The following CSNK1G1 variants were observed in gnomAD, a reference collection of about 807,000 sequenced individuals.
CSNK1G1 encodes the protein casein kinase 1 gamma 1.
A neutral mutation model predicts 59.6 loss-of-function variants in CSNK1G1; 22 were observed. The observed-to-expected ratio is 0.37, with a 90% CI of 0.26 to 0.53. The LOEUF (loss-of-function observed/expected upper bound fraction) is 0.53. CSNK1G1 is among the 20% of genes least tolerant of loss of function. The pLI, the probability that CSNK1G1 is intolerant of heterozygous loss-of-function variation, is 0.89. For missense variants in CSNK1G1, 384 were observed against 519.5 expected (o/e 0.74, Z 2.54); for synonymous variants, 179 against 177.1 (o/e 1.01, Z -0.08).
chr15:64,302,483 A>G (rs1441874742), intron 1 of CSNK1G1, among the ~76,000 whole-genome samples: 1 of 152,082 alleles, frequency 6.6e-6, no homozygotes, highest in Non-Finnish European at 1.5e-5. Context: ...TTTATAATGT[A>G]TATTCTGTAA....
In CSNK1G1 at chr15:64,300,731, A is replaced by T. The variant is rs1895282278; in HGVS notation, c.-224-8T>A. ...AGGTGAACATCTTGTAACCTAGGTA[A>T]AAATCAAGAAAACATGTAGTTAAAA... On this transcript the variant is annotated splice_region_variant and splice_polypyrimidine_tract_variant and intron_variant, in intron 1 of 11. Transcript: ENST00000303052. 8.1e-7 allele frequency: 1 copy of T among 1,233,426 alleles called. No homozygotes were observed. 76.4% of individuals were successfully genotyped at this position (1,233,426 alleles called of 1,614,324 possible). A position where few individuals can be genotyped will look rare whatever the true frequency, so the allele number is the denominator to read the frequency against.
intron 2 of CSNK1G1, among the ~76,000 whole-genome samples, chr15:64,290,861 C>T (rs1043139045): frequency 2.0e-5 from 3 of 152,088 alleles, no homozygotes; most frequent in Non-Finnish European, 2.9e-5. Context: ...TTACAGGCGC[C>T]CACAACCATG....
intron 1 of CSNK1G1, among the ~76,000 whole-genome samples, chr15:64,330,395 C>T (rs1897058262): frequency 6.6e-6 from 1 of 151,546 alleles, no homozygotes; most frequent in Middle Eastern, 3.2e-3. Context: ...AAATGCAATC[C>T]AGCATATAAA....
Position 64,248,830 on chromosome 15 carries a change from C to T in CSNK1G1, c.292+2682G>A, listed in dbSNP as rs569725447. On this transcript the variant is annotated intron_variant, in intron 4 of 11. Coordinates refer to ENST00000303052, the MANE Select transcript of CSNK1G1 (RefSeq NM_022048.5). ...AAACCCCGTCTCTACTAAAAAAATA[C>T]AAAAAATTGGCCAGGCGTGGTGGCT... Among the ~76,000 whole-genome samples the T allele has an allele frequency of 2.1e-5, 3 of 141,080 alleles. No individual in the cohort carries two copies. In the South Asian group the frequency reaches 7.0e-4, roughly 33 times the overall value. The allele number at this position is 141,080 out of a possible 152,430, so 92.6% of individuals were successfully genotyped here. A position where few individuals can be genotyped will look rare whatever the true frequency, so the allele number is the denominator to read the frequency against.
chr15:64,346,970 A>C (rs1391642845), intron 1 of CSNK1G1, among the ~76,000 whole-genome samples: 2 of 152,228 alleles, frequency 1.3e-5, no homozygotes, highest in Admixed American at 6.5e-5. Flanking sequence ...AACAAGAAGC[A>C]AACAACCTTA....
intron 2 of CSNK1G1, among the ~76,000 whole-genome samples, chr15:64,261,616 C>CA (rs557961442): frequency 3.2e-4 from 48 of 151,444 alleles, no homozygotes; most frequent in African/African-American, 9.9e-4. Context: ...ACAACAACAA[C>CA]AAAAAACAAA....
intron 1 of CSNK1G1, among the ~76,000 whole-genome samples, chr15:64,339,067 G>C (rs529503269): frequency 6.6e-6 from 1 of 152,106 alleles, no homozygotes; most frequent in Non-Finnish European, 1.5e-5. Flanking sequence ...GCAGGATTCT[G>C]AAGGGAAAAA....
In CSNK1G1 at chr15:64,214,298, A is replaced by C. The variant is rs1209917093; in HGVS notation, c.445-174T>G. ...TGTAAACAAAAAAATATTTTGCTAT[A>C]AATACGTACACAACAAATATCAAGA... On this transcript the variant is annotated intron_variant, in intron 5 of 11. Coordinates refer to ENST00000303052, the MANE Select transcript of CSNK1G1 (RefSeq NM_022048.5). The surrounding 1 kb of genome is among the most constrained non-coding windows in gnomAD (Gnocchi z 4.3). 1 of 607,950 alleles carries C rather than the reference A, an allele frequency of 1.6e-6. No individual in the cohort carries two copies. The highest frequency in any genetic ancestry group is 1.9e-5 in the African/African-American group (1 of 53,958). The allele number at this position is 607,950 out of a possible 1,614,324, so 37.7% of individuals were successfully genotyped here.
Position 64,192,211 on chromosome 15 carries a change from T to C in CSNK1G1, c.1107+10871A>G, listed in dbSNP as rs2081981155. Among the ~76,000 whole-genome samples the C allele has an allele frequency of 3.3e-5, 5 of 152,184 alleles. No individual in the cohort carries two copies. The South Asian group carries it at 1.0e-3, about 31-fold the overall frequency. ...ATCTAATTAAATGTCACTCAAGAGG[T>C]GCATGAGTAGAAAAGTCATTCAGCA... On this transcript the variant is annotated intron_variant, in intron 10 of 11. Coordinates refer to ENST00000303052, the MANE Select transcript of CSNK1G1 (RefSeq NM_022048.5).
intron 1 of CSNK1G1, among the ~76,000 whole-genome samples, chr15:64,350,663 T>C (rs1010558826): frequency 6.6e-6 from 1 of 152,242 alleles, no homozygotes; most frequent in Non-Finnish European, 1.5e-5. Flanking sequence ...TGTTCACTGA[T>C]AGAGCTGATA....
intron 1 of CSNK1G1, chr15:64,348,455 C>G (rs750088713): frequency 5.9e-5 from 9 of 152,018 alleles, no homozygotes; most frequent in Non-Finnish European, 1.0e-4. Context: ...CTCTCTTATT[C>G]CAGAAATCTA....
chr15:64,355,436 A>G (rs540913816), intron 1 of CSNK1G1, among the ~76,000 whole-genome samples: 97 of 152,194 alleles, frequency 6.4e-4, no homozygotes, highest in Non-Finnish European at 3.7e-4. Context: ...AGGAAACAGT[A>G]AAGGAAGAAG....
At chr15:64,189,134 A>T (rs1398922564) in intron 10 of CSNK1G1, among the ~76,000 whole-genome samples, 1 of 147,982 alleles carries the variant, frequency 6.8e-6, no homozygotes, top group Non-Finnish European at 1.5e-5. Context: ...TCGAAAAAAT[A>T]ATAATAATAA....
chr15:64,189,553 G>GTTT, intron 10 of CSNK1G1: 3 of 985,032 alleles, frequency 3.0e-6, no homozygotes, highest in Non-Finnish European at 3.9e-6. Context: ...AATTGCTGCT[G>GTTT]ATATAAACAG....
At chr15:64,347,090 ATAC>A (rs1300457800) in intron 1 of CSNK1G1, among the ~76,000 whole-genome samples, 1 of 152,322 alleles carries the variant, frequency 6.6e-6, no homozygotes, top group East Asian at 1.9e-4. Flanking sequence ...TTAAAACAAG[ATAC>A]TACTACATAT....
At chr15:64,201,452 T>C (rs1018635862) in intron 10 of CSNK1G1, among the ~76,000 whole-genome samples, 1 of 152,190 alleles carries the variant, frequency 6.6e-6, no homozygotes, top group African/African-American at 2.4e-5. Context: ...CAGTCTTTTG[T>C]TGTCAAACCA....
At chr15:64,333,433 C>CAAAA (rs59451869) in intron 1 of CSNK1G1, among the ~76,000 whole-genome samples, 17,447 of 23,074 alleles carry the variant, frequency 0.76, 8,491 homozygotes, top group East Asian at 0.94. Context: ...GACACCATCT[C>CAAAA]AAAAAAAAAA....
chr15:64,307,544 T>C lies in CSNK1G1; in HGVS notation c.-224-6821A>G, dbSNP rs147499798. On this transcript the variant is annotated intron_variant, in intron 1 of 11. Coordinates refer to ENST00000303052, the MANE Select transcript of CSNK1G1 (RefSeq NM_022048.5). ...GCCTGGACAACGTGGCAAAACCCTG[T>C]CTCTATTTAGTATACACTACTGTAT... 6.9e-4 allele frequency among the ~76,000 whole-genome samples: 105 copies of C among 152,316 alleles called. 1 individual carries two copies. Among genetic ancestry groups the C allele is most frequent in the Non-Finnish European group, 3.2e-4 (22 of 68,026 alleles).
chr15:64,191,692 G>C (rs2140229435), intron 10 of CSNK1G1, among the ~76,000 whole-genome samples: 1 of 152,196 alleles, frequency 6.6e-6, no homozygotes, highest in Middle Eastern at 3.4e-3. Flanking sequence ...AAGATAAATA[G>C]AAAACTAATG....
Sources: gnomAD v4.1 joint callset for allele counts (sites outside exome capture counted in the v4.1 genomes callset) on GRCh38, gnomAD v4.1.1 for gene constraint, Gnocchi (gnomAD v3.1) non-coding constraint, MANE v1.5 for transcripts, NCBI Gene and HGNC (gene_info 2026-07-23, HGNC 2026-07-21) for gene names.